Variants in GET1 observed in about 807,000 individuals in gnomAD.
GET1 encodes guided entry of tail-anchored proteins factor 1.
In GET1, 20 loss-of-function variants were observed where a neutral mutation model predicts 22.6. The observed-to-expected ratio is 0.89, with a 90% confidence interval of 0.62 to 1.29. The LOEUF is 1.29. Ranked by LOEUF, GET1 falls within the 50% of genes most tolerant of loss-of-function variation. GET1 has a pLI of 0.00. For missense variants in GET1, 209 were observed against 219.9 expected (o/e 0.95, Z 0.31); for synonymous variants, 92 against 83.8 (o/e 1.10, Z -0.53).
intron 1 of GET1, among the ~76,000 whole-genome samples, chr21:39,427,485 A>C (rs887477771): frequency 9.2e-5 from 14 of 151,932 alleles, no homozygotes; most frequent in Non-Finnish European, 2.1e-4. Flanking sequence ...ACACGGTGAA[A>C]CCCTGTCTCT....
At chr21:39,410,206 G>A (rs1436645951), downstream of GET1, 1 of 1,257,990 alleles carries the variant, frequency 7.9e-7, no homozygotes, top group Non-Finnish European at 1.2e-6. Context: ...AGTGACTGTA[G>A]CCTATTTTTG....
downstream of GET1, among the ~76,000 whole-genome samples, chr21:39,398,663 G>C (rs1034236557): frequency 6.7e-6 from 1 of 149,638 alleles, no homozygotes; most frequent in African/African-American, 2.5e-5. Context: ...ACCCAGGCTG[G>C]AGTGCAGTGG....
chr21:39,386,745 A>G (rs142671232), intron 1 of GET1, among the ~76,000 whole-genome samples: 2 of 152,380 alleles, frequency 1.3e-5, no homozygotes, highest in African/African-American at 4.8e-5. Flanking sequence ...TATTACATTT[A>G]GATTCATATT....
chr21:39,422,876 A>G, intron 1 of GET1: 4 of 1,058,028 alleles, frequency 3.8e-6, no homozygotes, highest in Middle Eastern at 2.9e-4. Context: ...TGAAGCAGTT[A>G]GTAATGCTTT....
At chr21:39,392,094 C>T in intron 3 of GET1, 1 of 456,734 alleles carries the variant, frequency 2.2e-6, no homozygotes, top group East Asian at 4.2e-5. Context: ...GAGCTTTCAC[C>T]ATGCCTGCAT....
downstream of GET1, chr21:39,410,014 A>G: frequency 6.3e-7 from 1 of 1,593,296 alleles, no homozygotes; most frequent in Non-Finnish European, 8.6e-7. Context: ...TTGCTTTGGT[A>G]GTTTATTCAC....
At chr21:39,405,821 A>C (rs1409444716) in intron 4 of GET1, 3 of 1,254,934 alleles carry the variant, frequency 2.4e-6, no homozygotes, top group Non-Finnish European at 3.2e-6. Flanking sequence ...TTCAAAAATA[A>C]GATGCAAGGC....
At chr21:39,413,799 C>T (rs904625873) in intron 1 of GET1, 1 of 152,212 alleles carries the variant, frequency 6.6e-6, no homozygotes. Flanking sequence ...GAAACATTTT[C>T]ATGTTTACAG....
At chr21:39,380,855 G>A (rs1440157595) in intron 1 of GET1, 8 of 1,000,512 alleles carry the variant, frequency 8.0e-6, no homozygotes, top group Non-Finnish European at 9.5e-6. Context: ...GAGGCCTGGC[G>A]GGCGAAGTCA....
At chr21:39,383,805 A>G (rs535987109) in intron 1 of GET1, among the ~76,000 whole-genome samples, 2 of 151,814 alleles carry the variant, frequency 1.3e-5, no homozygotes, top group Admixed American at 6.6e-5. Flanking sequence ...CAGTGGCTCA[A>G]TCTTGGCTCA....
At chr21:39,393,053 T>G (rs1601628665) in intron 3 of GET1, 113 bp from the exon 4 acceptor site, 1 of 808,406 alleles carries the variant, frequency 1.2e-6, no homozygotes, top group Non-Finnish European at 2.0e-6. Flanking sequence ...AGGCTTGAGG[T>G]GCTCAGTCTG....
At chr21:39,411,421 T>C (rs896846093), downstream of GET1, among the ~76,000 whole-genome samples, 2 of 152,188 alleles carry the variant, frequency 1.3e-5, no homozygotes, top group African/African-American at 4.8e-5. Flanking sequence ...GGCTAACAGA[T>C]ACACTTAGAA....
intron 1 of GET1, among the ~76,000 whole-genome samples, chr21:39,415,495 T>C (rs1159914901): frequency 1.3e-5 from 2 of 152,214 alleles, no homozygotes; most frequent in Non-Finnish European, 1.5e-5. Context: ...CCTGGCTTAT[T>C]TGAAGCAAAT....
intron 2 of GET1, chr21:39,391,395 A>G: frequency 3.6e-6 from 1 of 277,180 alleles, no homozygotes; most frequent in Non-Finnish European, 6.9e-6. Context: ...GGGCCTGTCC[A>G]GGCCCAGGAC....
chr21:39,397,035 G>A lies in GET1; in HGVS notation c.*96G>A. Reference sequence around the variant, plus strand: ...CTGTTTTGTTTTTTAAGAAACAAAAGTGCATAGTTTAGATTTTTTTTTTGT... The same window carrying A: ...CTGTTTTGTTTTTTAAGAAACAAAAATGCATAGTTTAGATTTTTTTTTTGT... On this transcript the variant is annotated 3_prime_UTR_variant, in exon 5 of 5. Transcript: ENST00000649170. 2.2e-6 allele frequency: 3 copies of A among 1,339,272 alleles called. No homozygotes were observed. The highest frequency in any genetic ancestry group is 2.5e-5 in the South Asian group (2 of 78,590). 83.0% of individuals were successfully genotyped at this position (1,339,272 alleles called of 1,614,324 possible).
intron 1 of GET1, 99 bp from the exon 2 acceptor site, chr21:39,390,597 TCA>T: frequency 6.8e-7 from 1 of 1,479,490 alleles, no homozygotes; most frequent in Non-Finnish European, 9.1e-7. Context: ...ACTGGCTGGG[TCA>T]CAGAGTGGTC....
intron 4 of GET1, among the ~76,000 whole-genome samples, chr21:39,396,164 G>C (rs911403191): frequency 1.1e-4 from 17 of 152,150 alleles, no homozygotes; most frequent in Admixed American, 1.1e-3. Context: ...TGGAGGCCGA[G>C]TTAGGCAAAT....
At chr21:39,392,208 GTGTACTTCA>G (rs2038346357) in intron 3 of GET1, among the ~76,000 whole-genome samples, 1 of 152,092 alleles carries the variant, frequency 6.6e-6, no homozygotes, top group Non-Finnish European at 1.5e-5. Flanking sequence ...TTGTTACCTG[GTGTACTTCA>G]TGCACGCTCT....
chr21:39,418,214 G>C (rs910994867), intron 1 of GET1, among the ~76,000 whole-genome samples: 1 of 152,164 alleles, frequency 6.6e-6, no homozygotes, highest in African/African-American at 2.4e-5. Context: ...TACAATTCAA[G>C]ATGAGATTTG....
Sources: gnomAD v4.1 joint callset for allele counts (sites outside exome capture counted in the v4.1 genomes callset) on GRCh38, gnomAD v4.1.1 for gene constraint, MANE v1.5 for transcripts, NCBI Gene and HGNC (gene_info 2026-07-23, HGNC 2026-07-21) for gene names.